Variants in SIRT4 observed in about 807,000 individuals in gnomAD.
SIRT4 encodes the protein NAD-dependent protein lipoamidase sirtuin-4, mitochondrial.
A neutral mutation model predicts 26.1 loss-of-function variants in SIRT4; 23 were observed. The ratio of observed to expected loss-of-function variants is 0.88; its 90% CI spans 0.63 to 1.25. The LOEUF (loss-of-function observed/expected upper bound fraction) is 1.25. SIRT4 is among the 50% of genes most tolerant of loss of function. The pLI, the probability that SIRT4 is intolerant of heterozygous loss-of-function variation, is 0.00. For missense variants in SIRT4, 361 were observed against 405.4 expected (o/e 0.89, Z 0.94); for synonymous variants, 155 against 158.4 (o/e 0.98, Z 0.16).
chr12:120,304,803 TTA>T (rs1254801981), intron 2 of SIRT4, among the ~76,000 whole-genome samples: 69 of 60,402 alleles, frequency 1.1e-3, no homozygotes, highest in African/African-American at 3.7e-3. Flanking sequence ...AAAGTAAATT[TTA>T]TATATATATA....
chr12:120,312,489 C>T lies in SIRT4; in HGVS notation c.531C>T (p.Pro177=), dbSNP rs761983855. 1.9e-6 allele frequency: 3 copies of T among 1,613,924 alleles called. No individual in the cohort carries two copies. Among genetic ancestry groups the T allele is most frequent in the East Asian group, 2.2e-5 (1 of 44,866 alleles). ...GCTTGGATTGTGGGGAACAGACTCC[C>T]CGGGGGGTGCTGCAAGAGCGTTTCC... ...VLCLDCGEQT[P]RGVLQERFQV... The change falls in exon 3 of 4, where the codon CCC becomes CCT. Residue 177 remains proline (P), a synonymous_variant. Coordinates refer to ENST00000202967, the MANE Select transcript of SIRT4 (RefSeq NM_012240.3).
chr12:120,310,431 G>T (rs893164034), intron 2 of SIRT4, among the ~76,000 whole-genome samples: 2 of 152,182 alleles, frequency 1.3e-5, no homozygotes, highest in Admixed American at 1.3e-4. Flanking sequence ...TACCCAGACT[G>T]GTCTGGAACT....
At position 120,303,904 on chromosome 12, in the gene SIRT4, C is replaced by T. The variant is rs766790909; in HGVS notation, c.343C>T (p.Gln115Ter). 2 of 1,614,198 alleles carry T rather than the reference C, an allele frequency of 1.2e-6. No homozygotes were observed. The highest frequency in any genetic ancestry group is 1.1e-5 in the South Asian group (1 of 91,080). ...YWARNFVGWPQFSSHQPNPAH... is the reference protein window; with the variant it reads ...YWARNFVGWP ...GGCGAGAAACTTCGTAGGCTGGCCT[C>T]AATTCTCCTCCCACCAGCCTAACCC... The change falls in exon 2 of 4, where the codon CAA becomes TAA. Residue 115 changes from glutamine (Q) to a stop codon, truncating the protein, a stop_gained. Transcript: ENST00000202967. LOFTEE classifies it high-confidence loss of function.
chr12:120,304,825 ATATATATATATTTTTTTTT>A (rs1382753696), intron 2 of SIRT4, among the ~76,000 whole-genome samples: 1,400 of 18,120 alleles, frequency 0.077, 52 homozygotes, highest in African/African-American at 0.27. Flanking sequence ...ATATATATAT[ATATATATATATTTTTTTTT>A]TTTTTTTTTT....
chr12:120,309,669 T>A (rs1035505133), intron 2 of SIRT4, among the ~76,000 whole-genome samples: 2 of 151,034 alleles, frequency 1.3e-5, no homozygotes, highest in African/African-American at 4.9e-5. Context: ...TGCCTTGGCC[T>A]CCCAAAGTGC....
intron 2 of SIRT4, among the ~76,000 whole-genome samples, chr12:120,305,406 G>A (rs1354461345): frequency 2.6e-5 from 4 of 152,012 alleles, no homozygotes; most frequent in South Asian, 2.1e-4. Context: ...AAACGCCACC[G>A]TGCCCAGCTA....
chr12:120,312,396 T>C (rs1873013944), intron 2 of SIRT4, 60 bp from the exon 3 acceptor site: 1 of 1,501,998 alleles, frequency 6.7e-7, no homozygotes, highest in Admixed American at 2.2e-5. Context: ...ATGAAACGTC[T>C]CTGACAGCTT....
intron 2 of SIRT4, among the ~76,000 whole-genome samples, chr12:120,310,861 G>C (rs1200227133): frequency 6.6e-6 from 1 of 150,452 alleles, no homozygotes; most frequent in African/African-American, 2.4e-5. Flanking sequence ...TCAGCCTCCC[G>C]AGTAGCTGGG....
At chr12:120,292,004 C>T in the SIRT4 span, 1 of 152,180 alleles carries the variant, frequency 6.6e-6, no homozygotes, top group Non-Finnish European at 1.5e-5. Context: ...CGTGTTCCCA[C>T]TCCACCAGCC....
At chr12:120,310,288 C>G (rs1382276963) in intron 2 of SIRT4, among the ~76,000 whole-genome samples, 1 of 152,014 alleles carries the variant, frequency 6.6e-6, no homozygotes, top group African/African-American at 2.4e-5. Flanking sequence ...ATCGCTTAAG[C>G]CCAGGAGGCG....
upstream of SIRT4, among the ~76,000 whole-genome samples, chr12:120,301,084 C>T (rs1872523844): frequency 6.6e-6 from 1 of 152,198 alleles, no homozygotes; most frequent in Admixed American, 6.5e-5. Context: ...CAGTGGCTTA[C>T]GCCTGTAATC....
the SIRT4 span, among the ~76,000 whole-genome samples, chr12:120,296,282 A>G: frequency 6.6e-6 from 1 of 151,308 alleles, no homozygotes. Flanking sequence ...CAGTGGCGCA[A>G]TCTCGGCTCA....
rs201911073 is a variant in SIRT4 at position 120,312,632 on chromosome 12, G to A, written c.674G>A (p.Gly225Asp). The change falls in exon 3 of 4, where the codon GGC becomes GAC. Residue 225 changes from glycine (G) to aspartate (D), a missense_variant. Coordinates refer to ENST00000202967, the MANE Select transcript of SIRT4 (RefSeq NM_012240.3). ...FQVPTCVQCG[G>D]HLKPDVVFFG... ...GTCCCAACCTGCGTTCAATGTGGAG[G>A]CCATCTGAAACCAGATGTCGTTTTC... 1.9e-6 allele frequency: 3 copies of A among 1,614,156 alleles called. No homozygotes were observed. The highest frequency in any genetic ancestry group is 1.7e-6 in the Non-Finnish European group (2 of 1,180,034).
chr12:120,305,611 T>A (rs1872718606), intron 2 of SIRT4, among the ~76,000 whole-genome samples: 1 of 152,008 alleles, frequency 6.6e-6, no homozygotes, highest in Non-Finnish European at 1.5e-5. Flanking sequence ...GGGTCCAGGA[T>A]CACTCTAGGG....
At chr12:120,296,086 CAAAAA>C in the SIRT4 span, among the ~76,000 whole-genome samples, 47 of 40,174 alleles carry the variant, frequency 1.2e-3, no homozygotes, top group Middle Eastern at 0.022. Context: ...GACTCCGTCT[CAAAAA>C]AAAAAAAAAA....
chr12:120,297,029 C>G, the SIRT4 span, among the ~76,000 whole-genome samples: 1 of 150,752 alleles, frequency 6.6e-6, no homozygotes, highest in Non-Finnish European at 1.5e-5. Flanking sequence ...TCAAGACCAG[C>G]CTGGCCAAGA....
At chr12:120,294,679 G>C in the SIRT4 span, among the ~76,000 whole-genome samples, 148 of 151,198 alleles carry the variant, frequency 9.8e-4, 2 homozygotes, top group Admixed American at 5.4e-3. Flanking sequence ...CACTTCAGCT[G>C]GATACTTTCT....
At chr12:120,303,012 C>T (rs1872602179) in intron 1 of SIRT4, among the ~76,000 whole-genome samples, 1 of 151,664 alleles carries the variant, frequency 6.6e-6, no homozygotes, top group Admixed American at 6.6e-5. Context: ...CGTGAGCCAC[C>T]GCACCCGGCC....
upstream of SIRT4, among the ~76,000 whole-genome samples, chr12:120,297,689 A>G (rs1432798693): frequency 6.6e-6 from 1 of 152,148 alleles, no homozygotes; most frequent in Non-Finnish European, 1.5e-5. Flanking sequence ...TAGAAGCACA[A>G]TAGAATTCCC....
Sources: allele counts gnomAD v4.1 joint callset (sites outside exome capture counted in the v4.1 genomes callset), GRCh38; gene constraint gnomAD v4.1.1; transcripts MANE v1.5; gene names NCBI Gene and HGNC (gene_info 2026-07-23, HGNC 2026-07-21).